The following EPG5 variants were observed in gnomAD, a reference collection of about 807,000 sequenced individuals.
EPG5 encodes the protein ectopic P granules protein 5 homolog.
EPG5 carries 159 observed loss-of-function variants against 302.7 expected under a neutral mutation model. The ratio of observed to expected loss-of-function variants is 0.53; its 90% CI spans 0.46 to 0.60. The LOEUF (loss-of-function observed/expected upper bound fraction) is 0.60. EPG5 is among the 20% of genes least tolerant of loss of function. EPG5 has a pLI of 0.00. For missense variants in EPG5, 2,896 were observed against 3,092.4 expected (o/e 0.94, Z 1.51); for synonymous variants, 1,158 against 1,136.8 (o/e 1.02, Z -0.37).
At chr18:45,910,436 C>G in intron 23 of EPG5, 85 bp downstream of exon 23, 1 of 967,862 alleles carries the variant, frequency 1.0e-6, no homozygotes, top group Non-Finnish European at 1.6e-6. Flanking sequence ...AGAATAACAT[C>G]TAGCAGTTTG....
At chr18:45,837,664 G>C in the EPG5 span, 2 of 1,496,612 alleles carry the variant, frequency 1.3e-6, no homozygotes, top group Non-Finnish European at 8.8e-7. Flanking sequence ...AGCCCTATGC[G>C]GGCCCGCAGG....
At chr18:45,838,001 C>A in the EPG5 span, 1 of 1,328,410 alleles carries the variant, frequency 7.5e-7, no homozygotes, top group Non-Finnish European at 9.7e-7. Context: ...CCAGGAAGGG[C>A]AACGAGACCC....
At chr18:45,913,554 A>G (rs1599558941) in intron 21 of EPG5, 152 bp downstream of exon 21, 1 of 911,334 alleles carries the variant, frequency 1.1e-6, no homozygotes, top group Admixed American at 2.6e-5. Flanking sequence ...AGTACTCTTC[A>G]ATTACACAGT....
intron 27 of EPG5, among the ~76,000 whole-genome samples, chr18:45,890,388 T>C (rs2049315751): frequency 1.3e-5 from 2 of 152,080 alleles, no homozygotes; most frequent in South Asian, 2.1e-4. Flanking sequence ...GAAGAAAATA[T>C]ATATAATCAT....
At position 45,953,460 on chromosome 18, in the gene EPG5, T is replaced by C. The variant is rs996921846; in HGVS notation, c.1009-817A>G. 2.2e-5 allele frequency: 22 copies of C among 985,226 alleles called. No individual in the cohort carries two copies. In the African/African-American group the frequency reaches 3.8e-4, roughly 17 times the overall value. The allele number at this position is 985,226 out of a possible 1,614,324, so 61.0% of individuals were successfully genotyped here. A position where few individuals can be genotyped will look rare whatever the true frequency, so the allele number is the denominator to read the frequency against. On this transcript the variant is annotated intron_variant, in intron 2 of 43. Transcript: ENST00000282041. Reference sequence around the variant, plus strand: ...CTTACTATGTACAGAGATATACAGGTCTGCCAATGAATGAGGATTAGGGAT... The same window carrying C: ...CTTACTATGTACAGAGATATACAGGCCTGCCAATGAATGAGGATTAGGGAT...
the EPG5 span, among the ~76,000 whole-genome samples, chr18:45,813,254 A>T: frequency 6.6e-6 from 1 of 152,200 alleles, no homozygotes; most frequent in African/African-American, 2.4e-5. Flanking sequence ...ATCATTAAAA[A>T]GTCAGGAAAC....
intron 31 of EPG5, among the ~76,000 whole-genome samples, chr18:45,881,159 T>C (rs2049090510): frequency 6.6e-6 from 1 of 152,238 alleles, no homozygotes; most frequent in Non-Finnish European, 1.5e-5. Flanking sequence ...AGGTATCATA[T>C]TGTTATTCTT....
At chr18:45,807,743 G>A in the EPG5 span, among the ~76,000 whole-genome samples, 11 of 152,156 alleles carry the variant, frequency 7.2e-5, no homozygotes, top group African/African-American at 1.2e-4. Context: ...GACTTCAGCC[G>A]TAGACCTTCC....
At chr18:45,896,176 A>G (rs1214461866) in intron 27 of EPG5, among the ~76,000 whole-genome samples, 2 of 152,222 alleles carry the variant, frequency 1.3e-5, no homozygotes, top group African/African-American at 2.4e-5. Flanking sequence ...AGATTATTTA[A>G]GTCTCCGCCT....
At chr18:45,950,945 T>C (rs2050894375) in intron 4 of EPG5, among the ~76,000 whole-genome samples, 157 bp downstream of exon 4, 1 of 151,330 alleles carries the variant, frequency 6.6e-6, no homozygotes, top group Non-Finnish European at 1.5e-5. Context: ...GATAAATAAC[T>C]TACTACCATG....
At position 45,926,691 on chromosome 18, in the gene EPG5, C is replaced by T. The variant is rs368472590; in HGVS notation, c.2554-789G>A. ...AAAATTAGCCAGGCATGGTGGCACG[C>T]GCCTGTAATCCCAACTACTCAGGAG... On this transcript the variant is annotated intron_variant, in intron 13 of 43. Coordinates refer to ENST00000282041, the MANE Select transcript of EPG5 (RefSeq NM_020964.3). Among the ~76,000 whole-genome samples, 15 of 151,880 alleles carry T rather than the reference C, an allele frequency of 9.9e-5. No individual in the cohort carries two copies. In the South Asian group the frequency reaches 1.0e-3, roughly 11 times the overall value.
chr18:45,872,377 AC>A (rs1278140701), intron 35 of EPG5, among the ~76,000 whole-genome samples: 1 of 152,164 alleles, frequency 6.6e-6, no homozygotes, highest in Non-Finnish European at 1.5e-5. Flanking sequence ...AAGAACAGAA[AC>A]CTGATGGTTT....
intron 16 of EPG5, among the ~76,000 whole-genome samples, chr18:45,919,810 C>A (rs1394232795): frequency 6.6e-6 from 1 of 152,158 alleles, no homozygotes; most frequent in Non-Finnish European, 1.5e-5. Context: ...CTGCACCCGG[C>A]CTACATGTGC....
chr18:45,839,728 C>T, the EPG5 span, among the ~76,000 whole-genome samples: 1 of 152,198 alleles, frequency 6.6e-6, no homozygotes, highest in Non-Finnish European at 1.5e-5. Context: ...CTCTTCCTAG[C>T]AGAGATCATG....
At chr18:45,837,662 G>A in the EPG5 span, 1 of 1,501,370 alleles carries the variant, frequency 6.7e-7, no homozygotes, top group Non-Finnish European at 8.8e-7. Flanking sequence ...CGAGCCCTAT[G>A]CGGGCCCGCA....
intron 18 of EPG5, 112 bp from the exon 19 acceptor site, chr18:45,916,318 T>G (rs1442164115): frequency 6.6e-6 from 10 of 1,525,010 alleles, no homozygotes; most frequent in Non-Finnish European, 8.9e-6. Context: ...ATTGCCTTTC[T>G]TGGCCAAAAG....
rs1346140344 is a variant in EPG5, at chr18:45,852,322, T to C, written c.*145A>G. The C allele has an allele frequency of 8.9e-6, 6 of 670,910 alleles. No homozygotes were observed. Among genetic ancestry groups the C allele is most frequent in the Non-Finnish European group, 1.5e-5 (6 of 398,624 alleles). 41.6% of individuals were successfully genotyped at this position (670,910 alleles called of 1,614,324 possible). ...ACACACACCCCAAAATTATCTAATA[T>C]CTAACGCCTCCCAACTTGCATCTCA... On this transcript the variant is annotated 3_prime_UTR_variant, in exon 44 of 44. Transcript: ENST00000282041.
At chr18:45,927,616 A>ACACACG (rs1488129419) in intron 13 of EPG5, among the ~76,000 whole-genome samples, 1 of 151,798 alleles carries the variant, frequency 6.6e-6, no homozygotes, top group Non-Finnish European at 1.5e-5. Context: ...ACACACACAC[A>ACACACG]CACACACACA....
At chr18:45,937,459 T>A (rs1599612213) in intron 10 of EPG5, among the ~76,000 whole-genome samples, 1 of 151,724 alleles carries the variant, frequency 6.6e-6, no homozygotes, top group Non-Finnish European at 1.5e-5. Flanking sequence ...GAGGCTGGAG[T>A]ACAGTGGCGC....
Sources: gnomAD v4.1 joint callset for allele counts (sites outside exome capture counted in the v4.1 genomes callset) on GRCh38, gnomAD v4.1.1 for gene constraint, MANE v1.5 for transcripts, NCBI Gene and HGNC (gene_info 2026-07-23, HGNC 2026-07-21) for gene names.